Variants in CHRNA1 observed in about 807,000 individuals in gnomAD.
The protein encoded by CHRNA1 is acetylcholine receptor subunit alpha.
Under a neutral mutation model 47.1 loss-of-function variants are expected in CHRNA1, and 35 were observed. The observed-to-expected ratio is 0.74, with a 90% CI of 0.57 to 0.99. The LOEUF (loss-of-function observed/expected upper bound fraction) is 0.99. Ranked by LOEUF, CHRNA1 falls within the 50% of genes least tolerant of loss-of-function variation. The probability of loss-of-function intolerance (pLI) is 0.00; values close to 1 mark genes in which losing one functional copy is unlikely to be tolerated. For synonymous variants in CHRNA1, 229 were observed against 223.6 expected, an observed-to-expected ratio of 1.02 and a Z score of -0.22; for missense variants, 506 against 591.1, an observed-to-expected ratio of 0.86 and a Z score of 1.49.
chr2:174,757,493 GCAGCC>G (rs1684003063), intron 4 of CHRNA1, 68 bp downstream of exon 4: 9 of 1,035,386 alleles, frequency 8.7e-6, no homozygotes, highest in Non-Finnish European at 1.4e-5. Context: ...TTCCGAGCGC[GCAGCC>G]CTTCTATTAG....
chr2:174,748,958 A>AG, intron 7 of CHRNA1, 139 bp from the exon 8 acceptor site: 1 of 1,131,698 alleles, frequency 8.8e-7, no homozygotes, highest in South Asian at 1.5e-5. Context: ...TTAAAACAAA[A>AG]GAACTATACT....
At chr2:174,757,923 G>T (rs369214955) in intron 3 of CHRNA1, 6 of 1,347,508 alleles carry the variant, frequency 4.5e-6, no homozygotes, top group African/African-American at 1.4e-5. Context: ...CAACAATCCC[G>T]TGAGGGGAGG....
chr2:174,756,559 CA>C (rs1222645175), intron 4 of CHRNA1, among the ~76,000 whole-genome samples: 2 of 152,144 alleles, frequency 1.3e-5, no homozygotes, highest in African/African-American at 4.8e-5. Context: ...GTGAGTTTGG[CA>C]AAAGAACCAA....
At chr2:174,759,272 C>T in intron 3 of CHRNA1, 59 bp downstream of exon 3, 6 of 1,557,222 alleles carry the variant, frequency 3.9e-6, no homozygotes, top group Non-Finnish European at 4.4e-6. Flanking sequence ...TCCTCTGGGC[C>T]CAGGTTTAAT....
Position 174,759,566 on chromosome 2 carries a change from G to A in CHRNA1, c.111C>T (p.Ser37=), listed in dbSNP as rs886055151. ...LVAKLFKDYS[S]VVRPVEDHRQ... ...GGTGGTCTTCCACTGGCCGCACCAC[G>A]CTGCTGTAGTCTTTAAATAGCTTTG... Residue 37 remains serine, a synonymous_variant, in exon 2 of 9, where the codon AGC becomes AGT. Transcript: ENST00000348749. 2.4e-5 allele frequency: 39 copies of A among 1,613,876 alleles called. No homozygotes were observed. The highest frequency in any genetic ancestry group is 1.6e-4 in the Middle Eastern group (1 of 6,084).
Position 174,759,521 on chromosome 2 carries a change from G to A in CHRNA1, c.156C>T (p.Thr52=), listed in dbSNP as rs1371157689. 9.9e-6 allele frequency: 16 copies of A among 1,613,970 alleles called. No homozygotes were observed. Among genetic ancestry groups the A allele is most frequent in the African/African-American group, 2.7e-5 (2 of 74,886 alleles). ...TGAGCTGTATCAGCTGCAGGCCCAC[G>A]GTGACCTCCACGACCTGGCGGTGGT... is the stretch of plus-strand genomic sequence containing the variant. ...VEDHRQVVEV[T]VGLQLIQLIN... is the part of the protein sequence containing the mutation. The change falls in exon 2 of 9, where the codon ACC becomes ACT. Residue 52 remains threonine (T), a synonymous_variant. Transcript: ENST00000348749.
intron 8 of CHRNA1, 123 bp downstream of exon 8, chr2:174,748,457 G>T (rs1356926619): frequency 2.1e-6 from 3 of 1,432,608 alleles, no homozygotes; most frequent in African/African-American, 2.9e-5. Flanking sequence ...GGTCACCAGG[G>T]TTCATCTTAG....
rs1233362768 is a variant in CHRNA1 at position 174,759,723 on chromosome 2, G to A, written c.44-90C>T. The A allele has an allele frequency of 1.9e-6, 3 of 1,544,360 alleles. No individual in the cohort carries two copies. In the South Asian group the frequency reaches 3.4e-5, roughly 17 times the overall value. ...GAGGAACTGAGGAACTGAGGCATAA[G>A]CCTCAGTTCCTTCTAACAGAAGGCA... On this transcript the variant is annotated intron_variant, in intron 1 of 8. Transcript: ENST00000348749.
intron 4 of CHRNA1, among the ~76,000 whole-genome samples, chr2:174,756,445 G>T (rs908773209): frequency 1.2e-4 from 18 of 152,090 alleles, no homozygotes; most frequent in Admixed American, 2.6e-4. Context: ...ATGTGGCATT[G>T]GACCCACCCA....
At chr2:174,751,997 C>T (rs1216719027) in intron 6 of CHRNA1, among the ~76,000 whole-genome samples, 2 of 152,050 alleles carry the variant, frequency 1.3e-5, no homozygotes, top group African/African-American at 4.8e-5. Flanking sequence ...ACTTTTCAAG[C>T]ACAAATCATT....
chr2:174,762,210 T>C (rs1684113491), intron 1 of CHRNA1, among the ~76,000 whole-genome samples: 1 of 152,130 alleles, frequency 6.6e-6, no homozygotes, highest in Non-Finnish European at 1.5e-5. Flanking sequence ...TTTTCTTTTT[T>C]CCTCCCCAGC....
chr2:174,759,680 C>A (rs757800363), intron 1 of CHRNA1, 47 bp from the exon 2 acceptor site: 23 of 1,607,274 alleles, frequency 1.4e-5, no homozygotes, highest in African/African-American at 2.7e-5. Flanking sequence ...TCTCCCCACC[C>A]TCCAAACACA....
rs7592110 is a variant in CHRNA1 at position 174,752,980 on chromosome 2, C to T, written c.778+523G>A. 4 of 209,422 alleles carry T rather than the reference C, an allele frequency of 1.9e-5. No homozygotes were observed. In the Admixed American group the frequency reaches 2.0e-4, roughly 11 times the overall value. The allele number at this position is 209,422 out of a possible 1,614,324, so 13.0% of individuals were successfully genotyped here. On this transcript the variant is annotated intron_variant, in intron 6 of 8. Coordinates refer to ENST00000348749, the MANE Select transcript of CHRNA1 (RefSeq NM_000079.4). Reference sequence around the variant, plus strand: ...ACTCAGTAGGAGGTAAGTAAGTTGTCTAGGCTGATATGTGAGAAAGAACAG... The same window carrying T: ...ACTCAGTAGGAGGTAAGTAAGTTGTTTAGGCTGATATGTGAGAAAGAACAG...
At position 174,748,221 on chromosome 2, in the gene CHRNA1, A is replaced by G. The variant is rs1683772362; in HGVS notation, c.1277T>C (p.Met426Thr). The G allele has an allele frequency of 6.2e-7, 1 of 1,614,068 alleles. No homozygotes were observed. Among genetic ancestry groups the G allele is most frequent in the South Asian group, 1.1e-5 (1 of 91,082 alleles). Residue 426 changes from methionine to threonine, a missense_variant, in exon 9 of 9, where the codon ATG becomes ACG. Coordinates refer to ENST00000348749, the MANE Select transcript of CHRNA1 (RefSeq NM_000079.4). ...GAAGACTCCGAGGAGTATGTGGTCC[A>G]TCACCATTGCAACGTACTTCCACTC... The part of the protein sequence containing the change: ...AAEWKYVAMV[M>T]DHILLGVFML...
intron 1 of CHRNA1, 150 bp from the exon 2 acceptor site, chr2:174,759,783 G>A: frequency 9.7e-7 from 1 of 1,033,864 alleles, no homozygotes; most frequent in South Asian, 1.4e-5. Flanking sequence ...CCCAAATGCA[G>A]CAGTTATTGC....
rs958286640 is a variant in CHRNA1 at position 174,747,829 on chromosome 2, G to A, written c.*295C>T. The stretch of plus-strand genomic sequence containing the variant: ...CAATGACAATGCAACAGAAAACCTC[G>A]GTTATCCTGGCAAAAACTCTTCCAG... On this transcript the variant is annotated 3_prime_UTR_variant, in exon 9 of 9. Coordinates refer to ENST00000348749, the MANE Select transcript of CHRNA1 (RefSeq NM_000079.4). 24 of 371,200 alleles carry A rather than the reference G, an allele frequency of 6.5e-5. No individual in the cohort carries two copies. The highest frequency in any genetic ancestry group is 3.5e-4 in the African/African-American group (17 of 48,034). 23.0% of individuals were successfully genotyped at this position (371,200 alleles called of 1,614,324 possible).
rs372181669 is a variant in CHRNA1, at chr2:174,748,253, C to G, written c.1245G>C (p.Ala415=). 8.7e-6 allele frequency: 14 copies of G among 1,614,080 alleles called. No individual in the cohort carries two copies. Among genetic ancestry groups the G allele is most frequent in the Non-Finnish European group, 1.2e-5 (14 of 1,180,042 alleles). Residue 415 remains alanine, a splice_region_variant and synonymous_variant, in exon 9 of 9, where the codon GCG becomes GCC. Coordinates refer to ENST00000348749, the MANE Select transcript of CHRNA1 (RefSeq NM_000079.4). ...TMKSDQESNN[A]AAEWKYVAMV... ...TTGCAACGTACTTCCACTCTGCCGC[C>G]GCCTGGGAGAGAGGAAAATGTTAGA...
intron 4 of CHRNA1, 66 bp from the exon 5 acceptor site, chr2:174,754,480 A>G: frequency 7.1e-7 from 1 of 1,403,882 alleles, no homozygotes; most frequent in South Asian, 1.2e-5. Flanking sequence ...CTGCTTGGGG[A>G]CGTTAACAGG....
rs1683763662 is a variant in CHRNA1, at chr2:174,747,958, C to T, written c.*166G>A. 4 of 877,232 alleles carry T rather than the reference C, an allele frequency of 4.6e-6. No homozygotes were observed. The highest frequency in any genetic ancestry group is 4.1e-5 in the Admixed American group (2 of 48,292). The allele number at this position is 877,232 out of a possible 1,614,324, so 54.3% of individuals were successfully genotyped here. A position where few individuals can be genotyped will look rare whatever the true frequency, so the allele number is the denominator to read the frequency against. ...TAAAGGGAGAAGCAATATGAAAACA[C>T]TTCAAGGCCATAAACTTACATAAAG... On this transcript the variant is annotated 3_prime_UTR_variant, in exon 9 of 9. Coordinates refer to ENST00000348749, the MANE Select transcript of CHRNA1 (RefSeq NM_000079.4).
Sources: allele counts gnomAD v4.1 joint callset (sites outside exome capture counted in the v4.1 genomes callset), GRCh38; gene constraint gnomAD v4.1.1; transcripts MANE v1.5; gene names NCBI Gene and HGNC (gene_info 2026-07-23, HGNC 2026-07-21).